Variants in MLLT1 observed in about 807,000 individuals in gnomAD.
The protein encoded by MLLT1 is MLLT1 super elongation complex subunit.
MLLT1 carries 11 observed loss-of-function variants against 55.1 expected under a neutral mutation model. The observed-to-expected ratio is 0.20, with a 90% CI of 0.13 to 0.33. The LOEUF is 0.33. Ranked by LOEUF, MLLT1 falls within the 10% of genes least tolerant of loss-of-function variation. The pLI is 1.00. For synonymous variants in MLLT1, 323 were observed against 320.1 expected (o/e 1.01, Z -0.10); for missense variants, 536 against 760.6 (o/e 0.70, Z 3.47).
At chr19:6,216,625 A>C in intron 7 of MLLT1, 112 bp from the exon 8 acceptor site, 5 of 703,596 alleles carry the variant, frequency 7.1e-6, no homozygotes, top group Non-Finnish European at 7.1e-6. Flanking sequence ...TGACCCCCAA[A>C]TGCACACGCC....
At chr19:6,278,335 A>T (rs1352390942) in intron 1 of MLLT1, among the ~76,000 whole-genome samples, 4 of 152,142 alleles carry the variant, frequency 2.6e-5, no homozygotes, top group Admixed American at 2.0e-4. Flanking sequence ...GGCAGCGCAG[A>T]GTTGGGTAAA....
At chr19:6,228,942 C>T (rs1049081862) in intron 4 of MLLT1, among the ~76,000 whole-genome samples, 2 of 152,182 alleles carry the variant, frequency 1.3e-5, no homozygotes, top group Admixed American at 1.3e-4. Context: ...CCTGACTGGC[C>T]CTTCCTCCCA....
At position 6,219,520 on chromosome 19, in the gene MLLT1, C is replaced by T. The variant is rs372186314; in HGVS notation, c.1111-1479G>A. ...GCCTATTTAACCCCAGCCTTCTAAC[C>T]AGCAGGCCTTGCTACTCAGAACAAG... On this transcript the variant is annotated intron_variant, in intron 6 of 11. Coordinates refer to ENST00000252674, the MANE Select transcript of MLLT1 (RefSeq NM_005934.4). This position sits in a 1 kb window ranked among gnomAD's most constrained non-coding sequence, Gnocchi z 4.5. 9.9e-5 allele frequency among the ~76,000 whole-genome samples: 15 copies of T among 152,198 alleles called. No individual in the cohort carries two copies. The highest frequency in any genetic ancestry group is 2.2e-4 in the African/African-American group (9 of 41,452).
At chr19:6,238,906 G>C (rs1356047208) in intron 3 of MLLT1, among the ~76,000 whole-genome samples, 1 of 152,268 alleles carries the variant, frequency 6.6e-6, no homozygotes, top group Non-Finnish European at 1.5e-5. Context: ...CTTGGAACTA[G>C]GCAGCGAGCC....
At chr19:6,278,773 A>G (rs1274951670) in intron 1 of MLLT1, among the ~76,000 whole-genome samples, 1 of 152,154 alleles carries the variant, frequency 6.6e-6, no homozygotes, top group Non-Finnish European at 1.5e-5. Context: ...GTCAGAGAAG[A>G]AACTGCTCCT....
At chr19:6,233,533 AG>A (rs1404922465) in intron 3 of MLLT1, among the ~76,000 whole-genome samples, 1 of 152,188 alleles carries the variant, frequency 6.6e-6, no homozygotes, top group Non-Finnish European at 1.5e-5. Context: ...GGCTTGGGTA[AG>A]GACATGGAAG....
Position 6,279,790 on chromosome 19 carries a change from G to GCGCCC in MLLT1, c.-11_-7dup, listed in dbSNP as rs1402910740. 6.6e-6 allele frequency: 1 copy of GCGCCC among 150,516 alleles called. No homozygotes were observed. Among genetic ancestry groups the GCGCCC allele is most frequent in the Non-Finnish European group, 1.5e-5 (1 of 68,838 alleles). The allele number at this position is 150,516 out of a possible 1,614,324, so 9.3% of individuals were successfully genotyped here. Reference sequence around the variant, plus strand: ...CTCCTCACCTGATTGTCCATGGCTGGCGCCCCGCCCCGCCCCCGGGCCCCG... The same window carrying GCGCCC: ...CTCCTCACCTGATTGTCCATGGCTGGCGCCCCGCCCCGCCCCGCCCCCGGGCCCCG... On this transcript the variant is annotated 5_prime_UTR_variant, in exon 1 of 12. Coordinates refer to ENST00000252674, the MANE Select transcript of MLLT1 (RefSeq NM_005934.4).
intron 3 of MLLT1, among the ~76,000 whole-genome samples, chr19:6,236,962 C>T (rs374996794): frequency 6.6e-6 from 1 of 152,376 alleles, no homozygotes; most frequent in African/African-American, 2.4e-5. Context: ...CAGCTCCCCA[C>T]TCCCAGGCTG....
At chr19:6,224,518 G>A (rs905009733) in intron 5 of MLLT1, among the ~76,000 whole-genome samples, 2 of 152,220 alleles carry the variant, frequency 1.3e-5, no homozygotes, top group African/African-American at 4.8e-5. Context: ...CTCAGCCGGG[G>A]TCACAGCCAC....
chr19:6,243,356 C>T (rs1448470950), intron 3 of MLLT1, among the ~76,000 whole-genome samples: 1 of 152,196 alleles, frequency 6.6e-6, no homozygotes, highest in East Asian at 1.9e-4. Flanking sequence ...CTCACCCTGC[C>T]TCCTAACTGA....
At chr19:6,238,779 C>A (rs546995835) in intron 3 of MLLT1, among the ~76,000 whole-genome samples, 1 of 152,036 alleles carries the variant, frequency 6.6e-6, no homozygotes, top group Non-Finnish European at 1.5e-5. Context: ...GGGCCTTCTC[C>A]GGCCAGCAGC....
chr19:6,232,495 T>C (rs769188615), intron 3 of MLLT1, among the ~76,000 whole-genome samples: 1 of 152,088 alleles, frequency 6.6e-6, no homozygotes, highest in Non-Finnish European at 1.5e-5. Context: ...CAGAAGAAAA[T>C]ACAGGTATCA....
At chr19:6,251,668 T>C (rs773886448) in intron 3 of MLLT1, among the ~76,000 whole-genome samples, 1 of 152,028 alleles carries the variant, frequency 6.6e-6, no homozygotes, top group Non-Finnish European at 1.5e-5. Flanking sequence ...CTCATGCCTA[T>C]AATCCCAGCA....
intron 6 of MLLT1, among the ~76,000 whole-genome samples, chr19:6,220,968 C>T (rs2090891770): frequency 6.6e-6 from 1 of 152,216 alleles, no homozygotes; most frequent in Non-Finnish European, 1.5e-5. Context: ...GAGCACCGGG[C>T]ACTCAGCCTT....
At chr19:6,257,543 G>A (rs991925489) in intron 3 of MLLT1, among the ~76,000 whole-genome samples, 1 of 152,212 alleles carries the variant, frequency 6.6e-6, no homozygotes, top group Non-Finnish European at 1.5e-5. Flanking sequence ...GCTCACGCCT[G>A]TAATCCCAGC....
At position 6,222,704 on chromosome 19, in the gene MLLT1, G is replaced by C. The variant is rs775252145; in HGVS notation, c.547-20C>G. 6.6e-7 allele frequency: 1 copy of C among 1,505,306 alleles called. No homozygotes were observed. The highest frequency in any genetic ancestry group is 1.4e-5 in the African/African-American group (1 of 71,708). The allele number at this position is 1,505,306 out of a possible 1,614,324, so 93.2% of individuals were successfully genotyped here. On this transcript the variant is annotated intron_variant, in intron 5 of 11. Transcript: ENST00000252674. The surrounding 1 kb of genome is among the most constrained non-coding windows in gnomAD (Gnocchi z 4.1). Reference sequence around the variant, plus strand: ...GGCGTCCTGCAAGGCCAAGAGCAGGGAGGGCAAGGGGAGAGACAAGGTCAC... The same window carrying C: ...GGCGTCCTGCAAGGCCAAGAGCAGGCAGGGCAAGGGGAGAGACAAGGTCAC...
rs182971902 is a variant in MLLT1 at position 6,269,449 on chromosome 19, G to C, written c.193+1130C>G. 2.6e-3 allele frequency among the ~76,000 whole-genome samples: 390 copies of C among 152,368 alleles called. 1 individual carries two copies. Among genetic ancestry groups the C allele is most frequent in the Non-Finnish European group, 4.3e-3 (294 of 68,034 alleles). On this transcript the variant is annotated intron_variant, in intron 2 of 11. Transcript: ENST00000252674. ...CCATCCTCTAAGAGGCTTAGAGAGG[G>C]AGGAAGGAAAAGGGGAAAAGGTGAA...
At chr19:6,257,977 A>C (rs2091272882) in intron 3 of MLLT1, among the ~76,000 whole-genome samples, 1 of 152,218 alleles carries the variant, frequency 6.6e-6, no homozygotes, top group African/African-American at 2.4e-5. Context: ...AATTTTTAAG[A>C]AACAGAAAAC....
At chr19:6,279,724 C>T (rs1256578641) in intron 1 of MLLT1, 49 bp downstream of exon 1, 3 of 114,028 alleles carry the variant, frequency 2.6e-5, no homozygotes, top group Non-Finnish European at 5.8e-5. Context: ...GGCCGGCGGG[C>T]GGGAGGGGGC....
Sources: gnomAD v4.1 joint callset for allele counts (sites outside exome capture counted in the v4.1 genomes callset) on GRCh38, gnomAD v4.1.1 for gene constraint, Gnocchi (gnomAD v3.1) non-coding constraint, MANE v1.5 for transcripts, NCBI Gene and HGNC (gene_info 2026-07-23, HGNC 2026-07-21) for gene names.